Variants in PNLIPRP3 observed in about 807,000 individuals in gnomAD.
PNLIPRP3 encodes the protein pancreatic lipase related protein 3.
Under a neutral mutation model 52.8 loss-of-function variants are expected in PNLIPRP3, and 58 were observed. The observed-to-expected ratio is 1.10, with a 90% CI of 0.89 to 1.37. PNLIPRP3 has a LOEUF of 1.37. Ranked by LOEUF, PNLIPRP3 falls within the 40% of genes most tolerant of loss-of-function variation. The pLI is 0.00. For missense variants in PNLIPRP3, 593 were observed against 561.6 expected (o/e 1.06, Z -0.57); for synonymous variants, 192 against 185.0 (o/e 1.04, Z -0.31).
At chr10:116,464,168 AC>A (rs1234576273) in intron 7 of PNLIPRP3, among the ~76,000 whole-genome samples, 2 of 151,928 alleles carry the variant, frequency 1.3e-5, no homozygotes, top group African/African-American at 4.8e-5. Context: ...TCTTTATAAA[AC>A]CCCCCACTTG....
intron 2 of PNLIPRP3, chr10:116,440,179 T>C: frequency 1.8e-6 from 1 of 564,372 alleles, no homozygotes; most frequent in Non-Finnish European, 3.1e-6. Flanking sequence ...GGACTAACTC[T>C]ATTCCCTGAT....
At chr10:116,448,512 C>A (rs71500858) in intron 4 of PNLIPRP3, among the ~76,000 whole-genome samples, 141,893 of 152,080 alleles carry the variant, frequency 0.93, 66,830 homozygotes, top group Non-Finnish European at 1. Context: ...AAAAGAGGAC[C>A]AAAGAACTAT....
intron 1 of PNLIPRP3, among the ~76,000 whole-genome samples, chr10:116,433,482 T>C (rs923552944): frequency 2.0e-5 from 3 of 152,102 alleles, no homozygotes; most frequent in Admixed American, 1.3e-4. Context: ...TAAATGCAAA[T>C]TAAAATAACA....
At chr10:116,471,940 G>T in intron 10 of PNLIPRP3, 61 bp downstream of exon 10, 3 of 975,664 alleles carry the variant, frequency 3.1e-6, no homozygotes, top group Non-Finnish European at 4.7e-6. Flanking sequence ...CACTAAGTGA[G>T]ACTGGCTCAG....
At chr10:116,438,481 T>A (rs1285033609) in intron 2 of PNLIPRP3, among the ~76,000 whole-genome samples, 3 of 152,196 alleles carry the variant, frequency 2.0e-5, no homozygotes, top group Non-Finnish European at 4.4e-5. Flanking sequence ...AGCTCTCTAC[T>A]CACCAGACAC....
chr10:116,435,156 A>G (rs1010352470), intron 1 of PNLIPRP3, among the ~76,000 whole-genome samples: 7 of 152,214 alleles, frequency 4.6e-5, no homozygotes. Flanking sequence ...ATAATAATAT[A>G]AATTCTGTTC....
chr10:116,448,338 A>G (rs1845986276), intron 4 of PNLIPRP3, among the ~76,000 whole-genome samples: 1 of 152,222 alleles, frequency 6.6e-6, no homozygotes, highest in African/African-American at 2.4e-5. Context: ...TTAAGTTGTT[A>G]TCTCCTTAAA....
In PNLIPRP3 at chr10:116,477,222, A is replaced by G. The variant is rs1846486531; in HGVS notation, c.*69A>G. On this transcript the variant is annotated 3_prime_UTR_variant, in exon 12 of 12. Coordinates refer to ENST00000369230, the MANE Select transcript of PNLIPRP3 (RefSeq NM_001011709.3). ...AGAAAAGTGTCTCCTTCCACCTGGC[A>G]TCCAGACCAAATTTGACCCTTGTAA... is the stretch of plus-strand genomic sequence containing the variant. The G allele has an allele frequency of 4.6e-6, 6 of 1,315,270 alleles. No homozygotes were observed. In the Admixed American group the frequency reaches 1.2e-4, roughly 26 times the overall value. The allele number at this position is 1,315,270 out of a possible 1,614,324, so 81.5% of individuals were successfully genotyped here. A position where few individuals can be genotyped will look rare whatever the true frequency, so the allele number is the denominator to read the frequency against.
intron 5 of PNLIPRP3, among the ~76,000 whole-genome samples, chr10:116,458,050 T>G (rs1445384592): frequency 6.6e-6 from 1 of 152,190 alleles, no homozygotes; most frequent in Admixed American, 6.5e-5. Context: ...AAAAACAAAA[T>G]TAATATGATA....
chr10:116,471,921 G>T, intron 10 of PNLIPRP3, 42 bp downstream of exon 10: 1 of 1,272,056 alleles, frequency 7.9e-7, no homozygotes, highest in South Asian at 1.3e-5. Context: ...AGTGCTGGGG[G>T]CTCAGTAACA....
intron 1 of PNLIPRP3, among the ~76,000 whole-genome samples, chr10:116,436,104 T>C (rs966924822): frequency 3.3e-5 from 5 of 152,268 alleles, no homozygotes; most frequent in Admixed American, 1.3e-4. Flanking sequence ...AATGATTGGC[T>C]TATTCACCAA....
In PNLIPRP3 at chr10:116,436,784, G is replaced by C; in HGVS notation, c.123G>C (p.Glu41Asp). The change falls in exon 2 of 12, where the codon GAG (glutamate) becomes GAC (aspartate). Residue 41 changes from glutamate (E) to aspartate (D), a missense_variant. Transcript: ENST00000369230. ...GLPWTRTFST[E>D]LVGLPWSPEK... is the part of the protein sequence containing the mutation. ...CATGGACCAGGACTTTCTCAACAGA[G>C]TTGGTAGGTTTACCCTGGTCTCCAG... 3.1e-6 allele frequency: 5 copies of C among 1,613,810 alleles called. No homozygotes were observed. The highest frequency in any genetic ancestry group is 2.2e-5 in the South Asian group (2 of 91,032).
At chr10:116,476,850 T>C in intron 11 of PNLIPRP3, 31 bp downstream of exon 11, 1 of 1,526,740 alleles carries the variant, frequency 6.5e-7, no homozygotes, top group Non-Finnish European at 8.8e-7. Context: ...TTCATTTTCG[T>C]AGTTTACATT....
intron 4 of PNLIPRP3, among the ~76,000 whole-genome samples, chr10:116,453,670 G>A (rs865832272): frequency 6.6e-6 from 1 of 151,930 alleles, no homozygotes. Context: ...TAAAGAGCAC[G>A]GCCCCTCCCC....
intron 4 of PNLIPRP3, among the ~76,000 whole-genome samples, chr10:116,451,755 CA>C (rs1416282746): frequency 1.3e-5 from 2 of 152,282 alleles, no homozygotes; most frequent in East Asian, 3.9e-4. Flanking sequence ...GTATAGCCTA[CA>C]GAACCATGAG....
chr10:116,476,987 GT>G, intron 11 of PNLIPRP3, 102 bp from the exon 12 acceptor site: 2 of 1,204,304 alleles, frequency 1.7e-6, no homozygotes, highest in East Asian at 2.4e-5. Flanking sequence ...GTGCAGAAGT[GT>G]TAGAAAATAA....
rs185498888 is a variant in PNLIPRP3, at chr10:116,441,280, G to A, written c.205-1775G>A. Among the ~76,000 whole-genome samples, 156 of 152,296 alleles carry A rather than the reference G, an allele frequency of 1.0e-3. 2 individuals carry two copies. Among genetic ancestry groups the A allele is most frequent in the Admixed American group, 2.2e-3 (33 of 15,300 alleles). On this transcript the variant is annotated intron_variant, in intron 2 of 11. Coordinates refer to ENST00000369230, the MANE Select transcript of PNLIPRP3 (RefSeq NM_001011709.3). ...GAAAACAGATGGCAGATGGCAGGGA[G>A]ACATGTGCAATGTATGATGTGAATA...
chr10:116,477,023 C>G, intron 11 of PNLIPRP3, 67 bp from the exon 12 acceptor site: 1 of 1,344,580 alleles, frequency 7.4e-7, no homozygotes, highest in African/African-American at 1.5e-5. Flanking sequence ...ATCGGGGGAT[C>G]TACCGTGTCT....
intron 1 of PNLIPRP3, among the ~76,000 whole-genome samples, chr10:116,433,986 A>G (rs1589974409): frequency 6.6e-6 from 1 of 152,208 alleles, no homozygotes; most frequent in Non-Finnish European, 1.5e-5. Flanking sequence ...TAAGGGTTCA[A>G]TTATTTTCCT....
Sources: allele counts gnomAD v4.1 joint callset (sites outside exome capture counted in the v4.1 genomes callset), GRCh38; gene constraint gnomAD v4.1.1; transcripts MANE v1.5; gene names NCBI Gene and HGNC (gene_info 2026-07-23, HGNC 2026-07-21).